TTLL5: variants seen among roughly 807,000 people sequenced by gnomAD.
TTLL5 encodes tubulin polyglutamylase TTLL5.
TTLL5 carries 132 observed loss-of-function variants against 168.4 expected under a neutral mutation model. That is an observed-to-expected ratio of 0.78 (90% CI 0.68 to 0.91). TTLL5 has a LOEUF of 0.91. Among genes scored for constraint, TTLL5 ranks in the 40% least tolerant of loss-of-function variants. TTLL5 has a pLI of 0.00. For missense variants in TTLL5, 1,545 were observed against 1,581.5 expected (o/e 0.98, Z 0.39); for synonymous variants, 546 against 558.6 (o/e 0.98, Z 0.32).
At chr14:75,686,285 C>A (rs1885041827) in intron 5 of TTLL5, among the ~76,000 whole-genome samples, 1 of 152,112 alleles carries the variant, frequency 6.6e-6, no homozygotes, top group South Asian at 2.1e-4. Context: ...GTAATTATTA[C>A]CCTGGTTTTA....
At chr14:75,865,392 G>A (rs759876989) in intron 29 of TTLL5, among the ~76,000 whole-genome samples, 3 of 151,886 alleles carry the variant, frequency 2.0e-5, no homozygotes, top group Non-Finnish European at 4.4e-5. Context: ...TCACTGTATA[G>A]CCTGAAGATC....
At chr14:75,784,121 G>C (rs12879236) in intron 26 of TTLL5, among the ~76,000 whole-genome samples, 134,968 of 152,208 alleles carry the variant, frequency 0.89, 60,176 homozygotes, top group Admixed American at 0.92. Context: ...TTCGACACCA[G>C]TATCTAATTT....
rs963771595 is a variant in TTLL5 at position 75,952,312 on chromosome 14, C to CA, written c.3824-2104dup. ...CAACACAACGAGACCCCATCTGCAC[C>CA]AAAAAAAAGAAAAAGGAAAAACACA... On this transcript the variant is annotated intron_variant, in intron 31 of 31. Transcript: ENST00000298832. Among the ~76,000 whole-genome samples the CA allele has an allele frequency of 1.2e-4, 18 of 151,188 alleles. No homozygotes were observed. The South Asian group carries it at 2.5e-3, about 21-fold the overall frequency.
intron 31 of TTLL5, among the ~76,000 whole-genome samples, chr14:75,925,978 G>C (rs181557463): frequency 6.6e-6 from 1 of 151,876 alleles, no homozygotes; most frequent in South Asian, 2.1e-4. Flanking sequence ...CAGGGAGGTT[G>C]CAGTGAGCCG....
chr14:75,889,591 C>T (rs1233992028), intron 30 of TTLL5, among the ~76,000 whole-genome samples: 1 of 151,932 alleles, frequency 6.6e-6, no homozygotes, highest in South Asian at 2.1e-4. Flanking sequence ...TTTGGAAGGC[C>T]GAGGCAGGTG....
At chr14:75,934,313 T>G (rs1181644996) in intron 31 of TTLL5, among the ~76,000 whole-genome samples, 4 of 152,268 alleles carry the variant, frequency 2.6e-5, no homozygotes, top group African/African-American at 9.6e-5. Flanking sequence ...CATACTAGTT[T>G]GGGGTTGCTT....
intron 28 of TTLL5, among the ~76,000 whole-genome samples, chr14:75,859,015 G>C (rs1056596300): frequency 1.3e-5 from 2 of 152,206 alleles, no homozygotes; most frequent in South Asian, 4.1e-4. Flanking sequence ...TTGCAAGCAC[G>C]ATCAAAAAGA....
chr14:75,771,664 A>T lies in TTLL5; in HGVS notation c.2016-70A>T, dbSNP rs1891326815. 6 of 1,593,464 alleles carry T rather than the reference A, an allele frequency of 3.8e-6. No individual in the cohort carries two copies. The East Asian group carries it at 1.1e-4, about 30-fold the overall frequency. Reference sequence around the variant, plus strand: ...AAGCATCCTCAAAGGCCACTTGGAGAGAAGCAAGTACACATTTTGTAGTTT... The same window carrying T: ...AAGCATCCTCAAAGGCCACTTGGAGTGAAGCAAGTACACATTTTGTAGTTT... On this transcript the variant is annotated intron_variant, in intron 20 of 31. Coordinates refer to ENST00000298832, the MANE Select transcript of TTLL5 (RefSeq NM_015072.5).
chr14:75,810,555 A>G (rs188904088), intron 27 of TTLL5, among the ~76,000 whole-genome samples: 3 of 152,188 alleles, frequency 2.0e-5, no homozygotes, highest in African/African-American at 7.2e-5. Flanking sequence ...TTTTGTAGAG[A>G]TGGGGTCTCT....
chr14:75,826,376 C>T (rs946569611), intron 28 of TTLL5, among the ~76,000 whole-genome samples: 12 of 151,062 alleles, frequency 7.9e-5, no homozygotes, highest in East Asian at 2.0e-4. Flanking sequence ...TACTTACACT[C>T]CTGAACTGTA....
rs1213519665 is a variant in TTLL5 at position 75,902,511 on chromosome 14, A to G, written c.3823+287A>G. On this transcript the variant is annotated intron_variant, in intron 31 of 31. Transcript: ENST00000298832. ...ATACAGATGTCCCATATTGACTGGT[A>G]TTTCACTGTCTATGTTGTATTTCCG... 1.7e-5 allele frequency: 10 copies of G among 588,038 alleles called. No homozygotes were observed. In the Admixed American group the frequency reaches 1.7e-4, roughly 10 times the overall value. The allele number at this position is 588,038 out of a possible 1,614,324, so 36.4% of individuals were successfully genotyped here. A position where few individuals can be genotyped will look rare whatever the true frequency, so the allele number is the denominator to read the frequency against.
intron 31 of TTLL5, among the ~76,000 whole-genome samples, chr14:75,931,776 C>T (rs745757474): frequency 2.3e-4 from 35 of 152,188 alleles, no homozygotes; most frequent in Non-Finnish European, 2.1e-4. Flanking sequence ...CCATGCTATC[C>T]CAAACTTCTT....
chr14:75,917,536 A>G lies in TTLL5; in HGVS notation c.3823+15312A>G, dbSNP rs191670602. Among the ~76,000 whole-genome samples the G allele has an allele frequency of 1.4e-3, 220 of 152,038 alleles. 2 individuals are homozygous for G. Among genetic ancestry groups the G allele is most frequent in the African/African-American group, 4.8e-3 (201 of 41,456 alleles). On this transcript the variant is annotated intron_variant, in intron 31 of 31. Coordinates refer to ENST00000298832, the MANE Select transcript of TTLL5 (RefSeq NM_015072.5). ...TTATCTCAAATGGCTCATTAGGGGG[A>G]TGCCTGGCAGTAGGGGGGCATGTGT...
At chr14:75,701,343 A>G (rs1269702408) in intron 7 of TTLL5, among the ~76,000 whole-genome samples, 1 of 152,134 alleles carries the variant, frequency 6.6e-6, no homozygotes, top group African/African-American at 2.4e-5. Flanking sequence ...GATGATCCTT[A>G]CATGTTGGAC....
At chr14:75,926,872 G>A (rs1220230635) in intron 31 of TTLL5, among the ~76,000 whole-genome samples, 2 of 152,182 alleles carry the variant, frequency 1.3e-5, no homozygotes, top group African/African-American at 4.8e-5. Flanking sequence ...AGGGTTCATA[G>A]CAACATTATT....
intron 28 of TTLL5, among the ~76,000 whole-genome samples, chr14:75,861,641 C>G (rs541070745): frequency 1.7e-3 from 258 of 152,236 alleles, no homozygotes; most frequent in African/African-American, 6.0e-3. Flanking sequence ...TCTAAGCCCC[C>G]TTAACCAGGG....
At chr14:75,676,634 T>C (rs1470850682) in intron 3 of TTLL5, among the ~76,000 whole-genome samples, 4 of 152,312 alleles carry the variant, frequency 2.6e-5, no homozygotes, top group Admixed American at 2.0e-4. Context: ...AGTTAGGTGA[T>C]ATGGATTAGA....
At chr14:75,721,340 A>G (rs192804354) in intron 12 of TTLL5, among the ~76,000 whole-genome samples, 106 of 152,242 alleles carry the variant, frequency 7.0e-4, no homozygotes, top group African/African-American at 2.5e-3. Context: ...GCCTATGGAC[A>G]TTGCTTCCTA....
chr14:75,866,923 T>G (rs992246356), intron 29 of TTLL5, among the ~76,000 whole-genome samples: 3 of 152,166 alleles, frequency 2.0e-5, no homozygotes, highest in Non-Finnish European at 4.4e-5. Context: ...TACAAGAAAC[T>G]TGGCGTGATC....
Sources: allele counts gnomAD v4.1 joint callset (sites outside exome capture counted in the v4.1 genomes callset), GRCh38; gene constraint gnomAD v4.1.1; transcripts MANE v1.5; gene names NCBI Gene and HGNC (gene_info 2026-07-23, HGNC 2026-07-21).